Variants in CPQ observed in about 807,000 individuals in gnomAD.
The protein encoded by CPQ is Ser-Met dipeptidase.
Under a neutral mutation model 45.7 loss-of-function variants are expected in CPQ, and 37 were observed. The ratio of observed to expected loss-of-function variants is 0.81; its 90% confidence interval spans 0.62 to 1.07. The LOEUF is 1.07. CPQ is among the 50% of genes least tolerant of loss of function. The pLI is 0.00. For missense variants in CPQ, 537 were observed against 572.9 expected, an observed-to-expected ratio of 0.94 and a Z score of 0.64; for synonymous variants, 186 against 205.8, an observed-to-expected ratio of 0.90 and a Z score of 0.82.
chr8:96,905,324 A>T (rs1332924500), intron 4 of CPQ, among the ~76,000 whole-genome samples: 29 of 152,166 alleles, frequency 1.9e-4, no homozygotes, highest in Admixed American at 1.9e-3. Context: ...TTACAGTTTG[A>T]GATGAGATTT....
At chr8:96,923,723 C>G (rs1424527189) in intron 4 of CPQ, among the ~76,000 whole-genome samples, 1 of 151,936 alleles carries the variant, frequency 6.6e-6, no homozygotes, top group Non-Finnish European at 1.5e-5. Context: ...CAAAGCAGAC[C>G]CTATAATAAG....
At chr8:96,878,740 G>A (rs1812181160) in intron 3 of CPQ, among the ~76,000 whole-genome samples, 1 of 152,226 alleles carries the variant, frequency 6.6e-6, no homozygotes, top group African/African-American at 2.4e-5. Context: ...TAGGAGATAA[G>A]CACCAAGCTA....
At chr8:96,869,057 A>T (rs1812031740) in intron 3 of CPQ, among the ~76,000 whole-genome samples, 1 of 152,028 alleles carries the variant, frequency 6.6e-6, no homozygotes, top group Non-Finnish European at 1.5e-5. Flanking sequence ...ATTGATATAA[A>T]CATTTCTAAT....
At chr8:96,944,033 A>C (rs1478182110) in intron 4 of CPQ, among the ~76,000 whole-genome samples, 1 of 152,026 alleles carries the variant, frequency 6.6e-6, no homozygotes, top group East Asian at 1.9e-4. Flanking sequence ...TGATTCAAGT[A>C]CTTTATAAAG....
In CPQ at chr8:96,816,025, G is replaced by T. The variant is rs529176133; in HGVS notation, c.434-18948G>T. Among the ~76,000 whole-genome samples, 7 of 152,188 alleles carry T rather than the reference G, an allele frequency of 4.6e-5. No individual in the cohort carries two copies. The East Asian group carries it at 1.4e-3, about 29-fold the overall frequency. Reference sequence around the variant, plus strand: ...GTGGTGGTTGCTGAAGGCTAGGGTGGCTGTGGCAATTTCTTAAAATAAGAC... The same window carrying T: ...GTGGTGGTTGCTGAAGGCTAGGGTGTCTGTGGCAATTTCTTAAAATAAGAC... On this transcript the variant is annotated intron_variant, in intron 2 of 7. Transcript: ENST00000220763.
chr8:96,784,093 G>T (rs1810725510), intron 1 of CPQ, among the ~76,000 whole-genome samples: 1 of 152,108 alleles, frequency 6.6e-6, no homozygotes, highest in Non-Finnish European at 1.5e-5. Flanking sequence ...TAGAGTTGTT[G>T]TGAGGATTAA....
Position 96,711,776 on chromosome 8 carries a change from C to T in CPQ, c.-35+66374C>T, listed in dbSNP as rs146928201. ...CTATAACTCGGGATTTGTGTGGAGA[C>T]ACAGCCAAACCATATCATTCTGCCT... On this transcript the variant is annotated intron_variant, in intron 1 of 7. Coordinates refer to ENST00000220763, the MANE Select transcript of CPQ (RefSeq NM_016134.4). Among the ~76,000 whole-genome samples, 301 of 152,212 alleles carry T rather than the reference C, an allele frequency of 2.0e-3. 4 individuals are homozygous for T. Among genetic ancestry groups the T allele is most frequent in the African/African-American group, 6.4e-3 (265 of 41,522 alleles).
At chr8:97,043,315 CT>C (rs566265877) in intron 6 of CPQ, among the ~76,000 whole-genome samples, 1 of 150,672 alleles carries the variant, frequency 6.6e-6, no homozygotes. Context: ...CAACCCCTGC[CT>C]TTTTTTGTTT....
rs1224428408 is a variant in CPQ, at chr8:97,122,981, T to TAAA, written c.1256-20039_1256-20038insAAA. Among the ~76,000 whole-genome samples, 4 of 24,270 alleles carry TAAA rather than the reference T, an allele frequency of 1.6e-4. 1 individual carries two copies. The highest frequency in any genetic ancestry group is 7.2e-4 in the African/African-American group (3 of 4,148). 15.9% of individuals were successfully genotyped at this position (24,270 alleles called of 152,430 possible). ...TAAAATAAAATAAAATAAAATAAAA[T>TAAA]TAAAATAAAATAAAATAAAATATAA... On this transcript the variant is annotated intron_variant, in intron 7 of 7. Transcript: ENST00000220763.
chr8:96,853,859 C>G (rs1398542199), intron 3 of CPQ, among the ~76,000 whole-genome samples: 1 of 152,048 alleles, frequency 6.6e-6, no homozygotes, highest in Non-Finnish European at 1.5e-5. Flanking sequence ...CATGGCAAAA[C>G]CAATGATGGT....
intron 1 of CPQ, among the ~76,000 whole-genome samples, chr8:96,702,094 T>G (rs981844140): frequency 6.6e-6 from 1 of 152,210 alleles, no homozygotes; most frequent in African/African-American, 2.4e-5. Flanking sequence ...TTTGTTGTCA[T>G]GGAAAGAGGC....
chr8:97,126,323 T>C (rs1216799230), intron 7 of CPQ, among the ~76,000 whole-genome samples: 3 of 152,230 alleles, frequency 2.0e-5, no homozygotes, highest in African/African-American at 7.2e-5. Flanking sequence ...GCTGGGCAGA[T>C]GTACTTACAG....
At chr8:96,775,238 A>G (rs1028371065) in intron 1 of CPQ, among the ~76,000 whole-genome samples, 7 of 152,178 alleles carry the variant, frequency 4.6e-5, no homozygotes, top group Non-Finnish European at 2.9e-5. Context: ...TTTTTTAAAA[A>G]CAAATAATTT....
intron 5 of CPQ, among the ~76,000 whole-genome samples, chr8:96,998,645 A>T (rs1293451008): frequency 1.3e-5 from 2 of 152,032 alleles, no homozygotes; most frequent in African/African-American, 4.8e-5. Flanking sequence ...CATTATAATG[A>T]AGCTAAAGAA....
At chr8:96,991,416 C>T (rs924943129) in intron 5 of CPQ, among the ~76,000 whole-genome samples, 2 of 151,890 alleles carry the variant, frequency 1.3e-5, no homozygotes, top group African/African-American at 2.4e-5. Flanking sequence ...ATTAGCTGGG[C>T]GTGGTGGCAG....
At chr8:96,794,315 C>G (rs1264390016) in intron 2 of CPQ, among the ~76,000 whole-genome samples, 1 of 152,170 alleles carries the variant, frequency 6.6e-6, no homozygotes, top group Non-Finnish European at 1.5e-5. Context: ...GTGGAAGATG[C>G]CAAGGCGTGA....
intron 1 of CPQ, among the ~76,000 whole-genome samples, chr8:96,753,391 T>C (rs1810287566): frequency 6.6e-6 from 1 of 152,132 alleles, no homozygotes; most frequent in Non-Finnish European, 1.5e-5. Context: ...ACACACAATA[T>C]TTGCCAAATG....
At chr8:97,030,643 T>C (rs969084602) in intron 6 of CPQ, among the ~76,000 whole-genome samples, 2 of 152,230 alleles carry the variant, frequency 1.3e-5, no homozygotes, top group Admixed American at 6.5e-5. Context: ...AGGGTTGTTC[T>C]AGATTCAGCA....
At chr8:96,753,503 T>TTTATAATTA (rs1491158905) in intron 1 of CPQ, among the ~76,000 whole-genome samples, 1 of 139,460 alleles carries the variant, frequency 7.2e-6, no homozygotes, top group Non-Finnish European at 1.7e-5. Flanking sequence ...TCTTTCCATT[T>TTTATAATTA]GTTTAAGTTT....
Sources: gnomAD v4.1 joint callset for allele counts (sites outside exome capture counted in the v4.1 genomes callset) on GRCh38, gnomAD v4.1.1 for gene constraint, MANE v1.5 for transcripts, NCBI Gene and HGNC (gene_info 2026-07-23, HGNC 2026-07-21) for gene names.